Variants in INPP4B observed in about 807,000 individuals in gnomAD.
INPP4B encodes the protein inositol polyphosphate-4-phosphatase type II B.
Under a neutral mutation model 122.5 loss-of-function variants are expected in INPP4B, and 55 were observed. The ratio of observed to expected loss-of-function variants is 0.45; its 90% CI spans 0.36 to 0.56. INPP4B has a LOEUF of 0.56. Ranked by LOEUF, INPP4B falls within the 20% of genes least tolerant of loss-of-function variation. The pLI is 0.00. For synonymous variants in INPP4B, 403 were observed against 388.7 expected (o/e 1.04, Z -0.43); for missense variants, 1,000 against 1,097.7 (o/e 0.91, Z 1.26).
chr4:142,281,231 T>C (rs200711628), intron 9 of INPP4B, among the ~76,000 whole-genome samples: 15 of 151,760 alleles, frequency 9.9e-5, no homozygotes, highest in African/African-American at 3.6e-4. Context: ...TATAGGAGGT[T>C]ATAGATAGAT....
At chr4:142,322,659 C>T (rs1770526186) in intron 7 of INPP4B, among the ~76,000 whole-genome samples, 1 of 152,092 alleles carries the variant, frequency 6.6e-6, no homozygotes, top group Admixed American at 6.5e-5. Flanking sequence ...CTGATTTTTA[C>T]CAGAAACATG....
At chr4:142,749,163 T>C (rs1003706501) in intron 1 of INPP4B, among the ~76,000 whole-genome samples, 2 of 147,330 alleles carry the variant, frequency 1.4e-5, no homozygotes, top group Non-Finnish European at 3.0e-5. Context: ...ATAAAATATA[T>C]ATTATGTATT....
chr4:142,581,116 G>A (rs960753543), intron 2 of INPP4B, among the ~76,000 whole-genome samples: 4 of 151,872 alleles, frequency 2.6e-5, no homozygotes, highest in African/African-American at 9.7e-5. Context: ...GGGGTATAAA[G>A]AAAAGGACCA....
chr4:142,371,540 A>G (rs1789912548), intron 7 of INPP4B, among the ~76,000 whole-genome samples: 1 of 152,130 alleles, frequency 6.6e-6, no homozygotes, highest in African/African-American at 2.4e-5. Flanking sequence ...CAAGGGACTA[A>G]TATCCAGAAT....
intron 2 of INPP4B, among the ~76,000 whole-genome samples, chr4:142,687,439 T>C (rs746396325): frequency 1.6e-4 from 25 of 151,800 alleles, no homozygotes; most frequent in Non-Finnish European, 2.5e-4. Context: ...CACAAGCTCT[T>C]GTAGAATTGT....
intron 1 of INPP4B, among the ~76,000 whole-genome samples, chr4:142,757,618 TTTC>T (rs1288852857): frequency 6.6e-6 from 1 of 152,180 alleles, no homozygotes; most frequent in East Asian, 1.9e-4. Context: ...TGATAGCTCA[TTTC>T]TTCTTAGCAC....
intron 5 of INPP4B, among the ~76,000 whole-genome samples, chr4:142,422,238 GTAAT>G (rs1423437794): frequency 6.6e-6 from 1 of 152,062 alleles, no homozygotes; most frequent in Non-Finnish European, 1.5e-5. Flanking sequence ...ATGATAAGAA[GTAAT>G]TAATATATGT....
chr4:142,256,583 G>A lies in INPP4B; in HGVS notation c.688+3909C>T, dbSNP rs988534920. Among the ~76,000 whole-genome samples, 128 of 152,182 alleles carry A rather than the reference G, an allele frequency of 8.4e-4. 2 individuals carry two copies. Among genetic ancestry groups the A allele is most frequent in the Admixed American group, 6.5e-4 (10 of 15,272 alleles). ...CAGAGAATACTACAAACACCTCTAC[G>A]CAAATAAACTAGAAAATCTAGAAGA... On this transcript the variant is annotated intron_variant, in intron 11 of 25. Transcript: ENST00000262992.
chr4:142,405,561 T>G (rs7696969), intron 5 of INPP4B, among the ~76,000 whole-genome samples: 85,791 of 151,920 alleles, frequency 0.56, 25,634 homozygotes, highest in South Asian at 0.78. Flanking sequence ...TGCAAGTCTT[T>G]ACTGGTCTGA....
intron 14 of INPP4B, among the ~76,000 whole-genome samples, chr4:142,199,642 AG>A (rs1839844019): frequency 6.6e-6 from 1 of 152,154 alleles, no homozygotes; most frequent in Non-Finnish European, 1.5e-5. Context: ...GATCTATAAC[AG>A]TTCCTCAGTC....
At chr4:142,211,688 T>G (rs1410305750) in intron 12 of INPP4B, among the ~76,000 whole-genome samples, 1 of 152,212 alleles carries the variant, frequency 6.6e-6, no homozygotes, top group African/African-American at 2.4e-5. Context: ...CAGAGGGACA[T>G]TTATATGTCA....
intron 2 of INPP4B, among the ~76,000 whole-genome samples, chr4:142,681,057 C>T (rs758907433): frequency 2.6e-4 from 39 of 151,908 alleles, no homozygotes; most frequent in African/African-American, 4.8e-4. Flanking sequence ...CCCATTTATA[C>T]GAAAGGCTGC....
intron 5 of INPP4B, among the ~76,000 whole-genome samples, chr4:142,411,326 A>G (rs989345543): frequency 2.0e-5 from 3 of 152,242 alleles, no homozygotes; most frequent in African/African-American, 7.2e-5. Context: ...TCAGGGAAAG[A>G]GTTGCTTCTC....
chr4:142,620,548 C>T (rs977766850), intron 2 of INPP4B, among the ~76,000 whole-genome samples: 2 of 151,858 alleles, frequency 1.3e-5, no homozygotes, highest in Non-Finnish European at 2.9e-5. Flanking sequence ...AACTACCTAT[C>T]AGGTACTATG....
At position 142,398,436 on chromosome 4, in the gene INPP4B, AT is replaced by A. The variant is rs1562011479; in HGVS notation, c.372+4501del. Reference sequence around the variant, plus strand: ...TATATATATATATATATATATATATATATATATATAAAACATATTAAACATA... The same window carrying A: ...TATATATATATATATATATATATATAATATATATAAAACATATTAAACATA... On this transcript the variant is annotated intron_variant, in intron 7 of 25. Coordinates refer to ENST00000262992, the MANE Select transcript of INPP4B (RefSeq NM_001101669.3). 1.6e-3 allele frequency among the ~76,000 whole-genome samples: 141 copies of A among 89,624 alleles called. 2 individuals carry two copies. The highest frequency in any genetic ancestry group is 5.4e-3 in the African/African-American group (129 of 23,670). The allele number at this position is 89,624 out of a possible 152,430, so 58.8% of individuals were successfully genotyped here.
At chr4:142,732,458 A>G (rs1004893875) in intron 1 of INPP4B, among the ~76,000 whole-genome samples, 2 of 151,938 alleles carry the variant, frequency 1.3e-5, no homozygotes, top group Non-Finnish European at 2.9e-5. Flanking sequence ...GTTTTTAAAG[A>G]GTCTGCAGAA....
intron 1 of INPP4B, among the ~76,000 whole-genome samples, chr4:142,739,861 C>A (rs1377593942): frequency 1.3e-5 from 2 of 152,002 alleles, no homozygotes; most frequent in African/African-American, 4.8e-5. Context: ...AAACTAATCA[C>A]TTGGTATTTC....
intron 2 of INPP4B, among the ~76,000 whole-genome samples, chr4:142,606,857 C>A (rs1353597103): frequency 6.6e-6 from 1 of 151,912 alleles, no homozygotes; most frequent in Non-Finnish European, 1.5e-5. Context: ...ATTTGAAAAT[C>A]AAAGGCAAAT....
At chr4:142,186,012 G>C (rs935717324) in intron 15 of INPP4B, among the ~76,000 whole-genome samples, 28 of 152,054 alleles carry the variant, frequency 1.8e-4, no homozygotes, top group Admixed American at 2.6e-4. Flanking sequence ...AAGCGCAGGT[G>C]GTTCTAATCA....
Sources: allele counts gnomAD v4.1 joint callset (sites outside exome capture counted in the v4.1 genomes callset), GRCh38; gene constraint gnomAD v4.1.1; transcripts MANE v1.5; gene names NCBI Gene and HGNC (gene_info 2026-07-23, HGNC 2026-07-21).